Variants in ECE1 observed in about 807,000 individuals in gnomAD.
ECE1 encodes endothelin converting enzyme 1.
In ECE1, 35 loss-of-function variants were observed where a neutral mutation model predicts 98.6. That is an observed-to-expected ratio of 0.35 (90% CI 0.27 to 0.47). ECE1 has a LOEUF of 0.47. ECE1 is among the 20% of genes least tolerant of loss of function. The probability of loss-of-function intolerance (pLI) is 1.00; values close to 1 mark genes in which losing one functional copy is unlikely to be tolerated. For synonymous variants in ECE1, 394 were observed against 407.1 expected (o/e 0.97, Z 0.39); for missense variants, 814 against 1,025.3 (o/e 0.79, Z 2.81).
intron 2 of ECE1, among the ~76,000 whole-genome samples, chr1:21,283,129 G>C (rs773977707): frequency 1.3e-5 from 2 of 151,818 alleles, no homozygotes; most frequent in Non-Finnish European, 2.9e-5. Context: ...TTTTAGTAGA[G>C]ATGGGGTTTC....
At chr1:21,329,692 A>ACCTG (rs1175194856) in intron 1 of ECE1, among the ~76,000 whole-genome samples, 1 of 152,184 alleles carries the variant, frequency 6.6e-6, no homozygotes, top group Non-Finnish European at 1.5e-5. Flanking sequence ...TGTGCCTCCT[A>ACCTG]CCTGCCACAG....
intron 3 of ECE1, among the ~76,000 whole-genome samples, chr1:21,278,777 T>C (rs2098250752): frequency 6.6e-6 from 1 of 152,168 alleles, no homozygotes; most frequent in South Asian, 2.1e-4. Flanking sequence ...TGTGTGTAAT[T>C]ACCCCACATT....
intron 1 of ECE1, among the ~76,000 whole-genome samples, chr1:21,296,618 T>G (rs1638362228): frequency 1.3e-5 from 2 of 152,244 alleles, no homozygotes. Context: ...TTTACTCTTG[T>G]GTCTTACAAT....
At chr1:21,306,195 G>A (rs146265195) in intron 1 of ECE1, among the ~76,000 whole-genome samples, 120 of 152,302 alleles carry the variant, frequency 7.9e-4, no homozygotes, top group African/African-American at 2.8e-3. Flanking sequence ...AAAACAAAGC[G>A]TTTGCTGTCA....
chr1:21,318,745 C>T (rs544977509), intron 1 of ECE1, among the ~76,000 whole-genome samples: 1 of 152,172 alleles, frequency 6.6e-6, no homozygotes, highest in African/African-American at 2.4e-5. Context: ...GGAGCTAACC[C>T]GACCTGACAG....
At position 21,220,228 on chromosome 1, in the gene ECE1, G is replaced by A. The variant is rs1366666587; in HGVS notation, c.2137-97C>T. Reference sequence around the variant, plus strand: ...ACAGCAGGGGAGGCCAGGTGCGGTGGCTCACACCTGTAATCCCAGCACTTT... The same window carrying A: ...ACAGCAGGGGAGGCCAGGTGCGGTGACTCACACCTGTAATCCCAGCACTTT... On this transcript the variant is annotated intron_variant, in intron 18 of 18. Transcript: ENST00000374893. The surrounding 1 kb of genome is among the most constrained non-coding windows in gnomAD (Gnocchi z 5.0). 2.9e-6 allele frequency: 4 copies of A among 1,359,824 alleles called. No homozygotes were observed. The highest frequency in any genetic ancestry group is 1.5e-5 in the African/African-American group (1 of 68,898). The allele number at this position is 1,359,824 out of a possible 1,614,324, so 84.2% of individuals were successfully genotyped here.
Position 21,223,530 on chromosome 1 carries a change from G to A in ECE1, c.2041-1688C>T, listed in dbSNP as rs370520844. 3.9e-5 allele frequency among the ~76,000 whole-genome samples: 6 copies of A among 152,242 alleles called. No homozygotes were observed. In the East Asian group the frequency reaches 5.8e-4, roughly 15 times the overall value. On this transcript the variant is annotated intron_variant, in intron 17 of 18. Transcript: ENST00000374893. ...TGCCCAGGCTGGAGTGCAGTGGCGC[G>A]AACTTGGCTCATTGCAACCTCCACC... is the stretch of plus-strand genomic sequence containing the variant.
chr1:21,312,762 G>A (rs1041017577), intron 1 of ECE1, among the ~76,000 whole-genome samples: 1 of 152,042 alleles, frequency 6.6e-6, no homozygotes, highest in African/African-American at 2.4e-5. Context: ...TCAAATCCCA[G>A]CTCTGCCTAC....
At chr1:21,329,735 C>T (rs371620431) in intron 1 of ECE1, among the ~76,000 whole-genome samples, 28 of 152,306 alleles carry the variant, frequency 1.8e-4, no homozygotes, top group East Asian at 1.2e-3. Context: ...GTACCCTTCT[C>T]AGCACACCAC....
chr1:21,279,763 T>G, intron 2 of ECE1: 2 of 1,176,186 alleles, frequency 1.7e-6, no homozygotes, highest in Non-Finnish European at 2.1e-6. Flanking sequence ...TGGCTCACAC[T>G]TCCCAGAAGC....
intron 3 of ECE1, among the ~76,000 whole-genome samples, chr1:21,273,346 C>CGCGTGT (rs1553363401): frequency 7.5e-6 from 1 of 133,078 alleles, no homozygotes; most frequent in Non-Finnish European, 1.6e-5. Context: ...TGCGTGTGTG[C>CGCGTGT]GTGTGTGTGT....
At position 21,260,837 on chromosome 1, in the gene ECE1, G is replaced by A. The variant is rs1355366852; in HGVS notation, c.494-445C>T. ...CTGAAGTTGGATGGAAACTCAAAAG[G>A]CTCATTCATTATGAATTTACTTTTT... On this transcript the variant is annotated intron_variant, in intron 4 of 18. Coordinates refer to ENST00000374893, the MANE Select transcript of ECE1 (RefSeq NM_001397.3). The surrounding 1 kb of genome is among the most constrained non-coding windows in gnomAD (Gnocchi z 4.3). Among the ~76,000 whole-genome samples the A allele has an allele frequency of 1.3e-5, 2 of 152,158 alleles. No individual in the cohort carries two copies. The highest frequency in any genetic ancestry group is 2.4e-5 in the African/African-American group (1 of 41,426).
Position 21,345,212 on chromosome 1 carries a change from G to C in ECE1, c.3+164C>G. 3.2e-6 allele frequency: 3 copies of C among 949,784 alleles called. No homozygotes were observed. Among genetic ancestry groups the C allele is most frequent in the Non-Finnish European group, 4.0e-6 (3 of 757,330 alleles). The allele number at this position is 949,784 out of a possible 1,614,324, so 58.8% of individuals were successfully genotyped here. A position where few individuals can be genotyped will look rare whatever the true frequency, so the allele number is the denominator to read the frequency against. ...CGGGAGAGCCGCGCTCTGCCCGGGC[G>C]CTCCCCGACTCCACGCCTTCCGAGA... On this transcript the variant is annotated intron_variant, in intron 1 of 18. Coordinates refer to the ECE1 transcript ENST00000415912. This position sits in a 1 kb window ranked among gnomAD's most constrained non-coding sequence, Gnocchi z 5.1.
chr1:21,320,115 A>T (rs1180735057), intron 1 of ECE1, among the ~76,000 whole-genome samples: 2 of 152,250 alleles, frequency 1.3e-5, no homozygotes, highest in South Asian at 2.1e-4. Flanking sequence ...CCCAGGTCAC[A>T]TGCGGCCCAC....
At chr1:21,329,673 C>T (rs997841452) in intron 1 of ECE1, among the ~76,000 whole-genome samples, 1 of 152,196 alleles carries the variant, frequency 6.6e-6, no homozygotes, top group African/African-American at 2.4e-5. Flanking sequence ...AAATGCTTCT[C>T]TGTCTGTCTG....
chr1:21,245,218 T>A, intron 9 of ECE1, 115 bp from the exon 10 acceptor site: 1 of 863,854 alleles, frequency 1.2e-6, no homozygotes. Context: ...CCAGGCCCCT[T>A]CCAGCCTGCG....
intron 17 of ECE1, among the ~76,000 whole-genome samples, chr1:21,222,314 C>T (rs28368044): frequency 2.6e-3 from 392 of 152,314 alleles, no homozygotes; most frequent in Middle Eastern, 6.8e-3. Context: ...TCCGCTCCCC[C>T]TTCCCATTGC....
At chr1:21,296,349 A>G (rs1250991809) in intron 1 of ECE1, among the ~76,000 whole-genome samples, 1 of 151,894 alleles carries the variant, frequency 6.6e-6, no homozygotes, top group East Asian at 1.9e-4. Flanking sequence ...TCTCTACAAA[A>G]AATTTAAAAA....
chr1:21,233,661 A>T lies in ECE1; in HGVS notation c.1567T>A (p.Tyr523Asn). ...PKELDKVFND[Y>N]TAVPDLYFEN... ...AAGTAGAGGTCTGGAACTGCAGTGT[A>T]CTAGAAAAGAAGAAGTGGAGTCAAT... is the stretch of plus-strand genomic sequence containing the variant. The change falls in exon 14 of 19, where the codon TAC (tyrosine) becomes AAC (asparagine). Residue 523 changes from tyrosine (Y) to asparagine (N), a missense_variant and splice_region_variant. Transcript: ENST00000374893. This position sits in a 1 kb window ranked among gnomAD's most constrained non-coding sequence, Gnocchi z 4.0. The T allele has an allele frequency of 6.2e-7, 1 of 1,613,590 alleles. No individual in the cohort carries two copies. Among genetic ancestry groups the T allele is most frequent in the Non-Finnish European group, 8.5e-7 (1 of 1,179,678 alleles).
Sources: allele counts gnomAD v4.1 joint callset (sites outside exome capture counted in the v4.1 genomes callset), GRCh38; gene constraint gnomAD v4.1.1; non-coding constraint Gnocchi (gnomAD v3.1); transcripts MANE v1.5; gene names NCBI Gene and HGNC (gene_info 2026-07-23, HGNC 2026-07-21).